SBK2: variants seen among roughly 807,000 people sequenced by gnomAD.
SBK2 encodes SH3 domain binding kinase family member 2.
A neutral mutation model predicts 15.9 loss-of-function variants in SBK2; 18 were observed. That is an observed-to-expected ratio of 1.13 (90% CI 0.78 to 1.68). The LOEUF (loss-of-function observed/expected upper bound fraction) is 1.68, where lower values mean the gene tolerates loss of function less well. Ranked by LOEUF, SBK2 falls within the 40% of genes most tolerant of loss-of-function variation. The pLI is 0.00. For missense variants in SBK2, 581 were observed against 510.9 expected (o/e 1.14, Z -1.32); for synonymous variants, 284 against 246.8 (o/e 1.15, Z -1.41).
Position 55,530,056 on chromosome 19 carries a change from G to C in SBK2, c.724C>G (p.Pro242Ala), listed in dbSNP as rs1248250863. Residue 242 changes from proline to alanine, a missense_variant, in exon 4 of 4, where the codon CCC (proline) becomes GCC (alanine). Coordinates refer to ENST00000413299, the MANE Select transcript of SBK2 (RefSeq NM_001370096.2). ...CCCAGCGCCCAGGCGTCCAGGGCGG[G>C]CTGAATGGGCAGGCCCTCGGGGAGC... ...PPLPEGLPIQ[P>A]ALDAWALGVL... 6.8e-7 allele frequency: 1 copy of C among 1,463,300 alleles called. No individual in the cohort carries two copies. Among genetic ancestry groups the C allele is most frequent in the African/African-American group, 1.5e-5 (1 of 67,782 alleles). 90.6% of individuals were successfully genotyped at this position (1,463,300 alleles called of 1,614,324 possible).
Position 55,536,139 on chromosome 19 carries a change from G to A in SBK2, c.156C>T (p.Thr52=), listed in dbSNP as rs1262832047. 2 of 1,592,184 alleles carry A rather than the reference G, an allele frequency of 1.3e-6. No homozygotes were observed. Among genetic ancestry groups the A allele is most frequent in the South Asian group, 1.1e-5 (1 of 87,888 alleles). ...GCTCGTCCACCTCGGCTCGGACCAG[G>A]GTCTGAGCACTCAGCGTCATCATGT... ...LEDMMTLSAQ[T]LVRAEVDELY... Residue 52 remains threonine (T), a synonymous_variant, in exon 2 of 4, where the codon ACC becomes ACT. Coordinates refer to ENST00000413299, the MANE Select transcript of SBK2 (RefSeq NM_001370096.2).
intron 2 of SBK2, 124 bp from the exon 3 acceptor site, chr19:55,531,469 C>T: frequency 1.4e-6 from 1 of 718,530 alleles, no homozygotes; most frequent in Non-Finnish European, 2.4e-6. Context: ...TAGACCATCT[C>T]CACCTCCTCC....
At chr19:55,533,646 C>T (rs55942022) in intron 2 of SBK2, among the ~76,000 whole-genome samples, 22,918 of 36,254 alleles carry the variant, frequency 0.63, 9,168 homozygotes, top group Middle Eastern at 0.68. Flanking sequence ...GGCGACAGAG[C>T]GAGACTCCGT....
intron 2 of SBK2, among the ~76,000 whole-genome samples, chr19:55,534,797 G>A (rs1182343781): frequency 6.6e-6 from 1 of 151,704 alleles, no homozygotes; most frequent in Non-Finnish European, 1.5e-5. Context: ...GGCTGAGGCA[G>A]GAGGATCACT....
intron 2 of SBK2, among the ~76,000 whole-genome samples, chr19:55,533,448 G>A (rs551615456): frequency 1.3e-5 from 2 of 151,876 alleles, no homozygotes; most frequent in South Asian, 4.2e-4. Flanking sequence ...AGGAGTTCAA[G>A]ACCAGCGTGG....
chr19:55,530,520 AGGCCTGTG>A (rs1599941226), intron 3 of SBK2, among the ~76,000 whole-genome samples, 197 bp from the exon 4 acceptor site: 4 of 9,356 alleles, frequency 4.3e-4, no homozygotes, highest in Admixed American at 1.0e-3. Flanking sequence ...GTGACCTGTG[AGGCCTGTG>A]GGTTTAGTGG....
In SBK2 at chr19:55,536,498, G is replaced by A. The variant is rs532548353; in HGVS notation, c.-2-202C>T. On this transcript the variant is annotated intron_variant, in intron 1 of 3. Coordinates refer to ENST00000413299, the MANE Select transcript of SBK2 (RefSeq NM_001370096.2). ...CCCCAGGTCACAGATGTCCCTGCCC[G>A]CGTGCCGCCGCCGCCACCCGCCCAC... Among the ~76,000 whole-genome samples the A allele has an allele frequency of 3.4e-3, 505 of 149,728 alleles. 5 individuals carry two copies. Among genetic ancestry groups the A allele is most frequent in the African/African-American group, 0.012 (492 of 39,968 alleles).
chr19:55,534,532 C>A (rs571327770), intron 2 of SBK2, among the ~76,000 whole-genome samples: 1 of 146,732 alleles, frequency 6.8e-6, no homozygotes, highest in African/African-American at 2.5e-5. Context: ...ACAGTGAGAC[C>A]CCATCTTAAA....
In SBK2 at chr19:55,529,877, G is replaced by T; in HGVS notation, c.903C>A (p.Asp301Glu). 10 of 1,591,372 alleles carry T rather than the reference G, an allele frequency of 6.3e-6. No individual in the cohort carries two copies. The highest frequency in any genetic ancestry group is 8.5e-6 in the Non-Finnish European group (10 of 1,172,006). ...QPWFGLAAAA[D>E]ALLRGLLDPH... ...GGTCCAGCAGCCCCCGCAGAAGCGC[G>T]TCGGCCGCGGCGGCCAGGCCGAACC... is the stretch of plus-strand genomic sequence containing the variant. Residue 301 changes from aspartate to glutamate, a missense_variant, in exon 4 of 4, where the codon GAC becomes GAA. Transcript: ENST00000413299.
rs759690104 is a variant in SBK2 at position 55,536,099 on chromosome 19, G to T, written c.196C>A (p.Arg66Ser). ...CCATAGCAACCCTGGCCCAGGGGAC[G>T]CACTTCCTCGTAGAGCTCGTCCACC... ...AEVDELYEEV[R>S]PLGQGCYGRV... is the part of the protein sequence containing the mutation. The change falls in exon 2 of 4, where the codon CGT becomes AGT. Residue 66 changes from arginine to serine, a missense_variant. Physicochemically the swap from Arg to Ser is moderately radical, Grantham distance 110. Transcript: ENST00000413299. 6.5e-7 allele frequency: 1 copy of T among 1,526,950 alleles called. No individual in the cohort carries two copies. The highest frequency in any genetic ancestry group is 8.8e-7 in the Non-Finnish European group (1 of 1,131,760). The allele number at this position is 1,526,950 out of a possible 1,614,324, so 94.6% of individuals were successfully genotyped here. A position where few individuals can be genotyped will look rare whatever the true frequency, so the allele number is the denominator to read the frequency against.
At chr19:55,533,602 G>A (rs1235323195) in intron 2 of SBK2, among the ~76,000 whole-genome samples, 1 of 47,562 alleles carries the variant, frequency 2.1e-5, no homozygotes, top group Non-Finnish European at 4.0e-5. Context: ...GCAGTGAGCT[G>A]AGATTGCGCC....
intron 2 of SBK2, among the ~76,000 whole-genome samples, chr19:55,534,055 C>T (rs1249012053): frequency 6.6e-6 from 1 of 152,188 alleles, no homozygotes; most frequent in African/African-American, 2.4e-5. Flanking sequence ...ATCCGTGGCT[C>T]TTCCTGAGGT....
rs1444265315 is a variant in SBK2 at position 55,531,360 on chromosome 19, A to G, written c.254-15T>C. 10 of 1,586,896 alleles carry G rather than the reference A, an allele frequency of 6.3e-6. No individual in the cohort carries two copies. Among genetic ancestry groups the G allele is most frequent in the Middle Eastern group, 1.7e-4 (1 of 5,972 alleles). ...CAGGGGTGTGCCTGGGGCAGCAGGG[A>G]CAGGTATGGGAGGCGTGCAGCAGCC... On this transcript the variant is annotated splice_polypyrimidine_tract_variant and intron_variant, in intron 2 of 3. Coordinates refer to ENST00000413299, the MANE Select transcript of SBK2 (RefSeq NM_001370096.2).
intron 2 of SBK2, among the ~76,000 whole-genome samples, chr19:55,533,528 C>T (rs1001586997): frequency 2.0e-5 from 3 of 147,750 alleles, no homozygotes; most frequent in African/African-American, 7.6e-5. Flanking sequence ...CATGCCTTGC[C>T]TGTAGTCCCA....
Position 55,533,365 on chromosome 19 carries a change from A to G in SBK2, c.254-2020T>C, listed in dbSNP as rs185999261. Among the ~76,000 whole-genome samples, 740 of 145,526 alleles carry G rather than the reference A, an allele frequency of 5.1e-3. 9 individuals are homozygous for G. Among genetic ancestry groups the G allele is most frequent in the African/African-American group, 0.018 (702 of 39,200 alleles). ...AAGAAAAAAAAGGAAAAGAAAAGAA[A>G]GGCCGAGTGCAGTGGCTCACACCTG... On this transcript the variant is annotated intron_variant, in intron 2 of 3. Coordinates refer to ENST00000413299, the MANE Select transcript of SBK2 (RefSeq NM_001370096.2).
rs1988182567 is a variant in SBK2 at position 55,529,333 on chromosome 19, C to CT, written c.*399dup. The stretch of plus-strand genomic sequence containing the variant: ...ATTGCTTGAGCTGTGGATTTTGAGA[C>CT]TGCAGTGAGCAGAGATAGCACCACT... On this transcript the variant is annotated 3_prime_UTR_variant, in exon 4 of 4. Coordinates refer to ENST00000413299, the MANE Select transcript of SBK2 (RefSeq NM_001370096.2). 6.6e-6 allele frequency among the ~76,000 whole-genome samples: 1 copy of CT among 152,166 alleles called. No individual in the cohort carries two copies. Among genetic ancestry groups the CT allele is most frequent in the Non-Finnish European group, 1.5e-5 (1 of 68,028 alleles).
At chr19:55,533,991 G>A (rs918767537) in intron 2 of SBK2, among the ~76,000 whole-genome samples, 12 of 152,162 alleles carry the variant, frequency 7.9e-5, no homozygotes, top group African/African-American at 2.4e-4. Flanking sequence ...CAATGCCCCC[G>A]CCTGTTACTG....
chr19:55,534,469 G>C (rs192481224), intron 2 of SBK2, among the ~76,000 whole-genome samples: 1 of 152,126 alleles, frequency 6.6e-6, no homozygotes, highest in East Asian at 1.9e-4. Flanking sequence ...AGCACTTTGG[G>C]AGGCTGAGGC....
chr19:55,532,689 C>T (rs1988302119), intron 2 of SBK2, among the ~76,000 whole-genome samples: 1 of 151,336 alleles, frequency 6.6e-6, no homozygotes, highest in African/African-American at 2.4e-5. Flanking sequence ...CAACCTCCGC[C>T]TCCCGGGCTC....
Sources: gnomAD v4.1 joint callset for allele counts (sites outside exome capture counted in the v4.1 genomes callset) on GRCh38, gnomAD v4.1.1 for gene constraint, MANE v1.5 for transcripts, NCBI Gene and HGNC (gene_info 2026-07-23, HGNC 2026-07-21) for gene names.